RNF11: variants seen among roughly 807,000 people sequenced by gnomAD.
The protein encoded by RNF11 is ring finger protein 11.
Under a neutral mutation model 15.8 loss-of-function variants are expected in RNF11, and 4 were observed. That is an observed-to-expected ratio of 0.25 (90% CI 0.12 to 0.58). The LOEUF is 0.58. Among genes scored for constraint, RNF11 ranks in the 20% least tolerant of loss-of-function variants. The pLI is 0.91. For synonymous variants in RNF11, 68 were observed against 72.3 expected, an observed-to-expected ratio of 0.94 and a Z score of 0.30; for missense variants, 139 against 194.4, an observed-to-expected ratio of 0.71 and a Z score of 1.70.
In RNF11 at chr1:51,272,637, ATGT is replaced by A. The variant is rs1404203819; in HGVS notation, c.*1317_*1319del. The A allele has an allele frequency of 6.6e-6, 1 of 152,276 alleles. No homozygotes were observed. Among genetic ancestry groups the A allele is most frequent in the East Asian group, 1.9e-4 (1 of 5,200 alleles). 9.4% of individuals were successfully genotyped at this position (152,276 alleles called of 1,614,324 possible). A position where few individuals can be genotyped will look rare whatever the true frequency, so the allele number is the denominator to read the frequency against. Reference sequence around the variant, plus strand: ...ATGGTCTAGTAAAGATGTAGTAGTAATGTTTTATCCATTTAGCATGTGTTTATT... The same window carrying A: ...ATGGTCTAGTAAAGATGTAGTAGTAATTTATCCATTTAGCATGTGTTTATT... On this transcript the variant is annotated 3_prime_UTR_variant, in exon 3 of 3. Transcript: ENST00000242719.
chr1:51,242,145 A>C (rs991346254), intron 1 of RNF11, among the ~76,000 whole-genome samples: 1 of 152,198 alleles, frequency 6.6e-6, no homozygotes, highest in South Asian at 2.1e-4. Flanking sequence ...GAATGCAAGT[A>C]TAGCTCTGCT....
rs551453845 is a variant in RNF11 at position 51,253,241 on chromosome 1, A to T, written c.123+16362A>T. 8.3e-4 allele frequency among the ~76,000 whole-genome samples: 126 copies of T among 152,288 alleles called. 1 individual carries two copies. The highest frequency in any genetic ancestry group is 4.4e-3 in the South Asian group (21 of 4,826). Reference sequence around the variant, plus strand: ...GTTCTCTGCATAATATTTAGAAAATAAGGCCGGGCACAGGGGTTCAAGCCT... The same window carrying T: ...GTTCTCTGCATAATATTTAGAAAATTAGGCCGGGCACAGGGGTTCAAGCCT... On this transcript the variant is annotated intron_variant, in intron 1 of 2. Coordinates refer to ENST00000242719, the MANE Select transcript of RNF11 (RefSeq NM_014372.5).
At chr1:51,256,301 A>G (rs1646904044) in intron 1 of RNF11, among the ~76,000 whole-genome samples, 1 of 152,172 alleles carries the variant, frequency 6.6e-6, no homozygotes, top group East Asian at 1.9e-4. Context: ...AATGTTGCAT[A>G]TTTGGAATCA....
At chr1:51,263,534 A>C (rs1213176681) in intron 1 of RNF11, among the ~76,000 whole-genome samples, 7 of 152,192 alleles carry the variant, frequency 4.6e-5, no homozygotes, top group Non-Finnish European at 7.3e-5. Flanking sequence ...TTTTCCCAGC[A>C]GCTCATTTCA....
chr1:51,248,887 A>G (rs1646864774), intron 1 of RNF11, among the ~76,000 whole-genome samples: 1 of 152,216 alleles, frequency 6.6e-6, no homozygotes, highest in Admixed American at 6.5e-5. Flanking sequence ...AATCACAGAA[A>G]ATATTTGGGA....
chr1:51,262,204 G>A (rs189025277), intron 1 of RNF11, among the ~76,000 whole-genome samples: 10 of 152,184 alleles, frequency 6.6e-5, no homozygotes, highest in African/African-American at 2.4e-4. Flanking sequence ...CTGGGATTGC[G>A]GGTGTGAGCC....
rs374208314 is a variant in RNF11, at chr1:51,253,412, A to C, written c.123+16533A>C. 1.5e-4 allele frequency among the ~76,000 whole-genome samples: 23 copies of C among 151,814 alleles called. No individual in the cohort carries two copies. In the East Asian group the frequency reaches 3.7e-3, roughly 24 times the overall value. ...GTGGCATGCACCTGTAGTCCCAGCT[A>C]CTTGGAAGATTGAGGCAGGAGGATC... On this transcript the variant is annotated intron_variant, in intron 1 of 2. Coordinates refer to ENST00000242719, the MANE Select transcript of RNF11 (RefSeq NM_014372.5).
chr1:51,241,179 C>A (rs1282403322), intron 1 of RNF11, among the ~76,000 whole-genome samples: 3 of 151,812 alleles, frequency 2.0e-5, no homozygotes, highest in African/African-American at 4.8e-5. Context: ...TCTCAAACTC[C>A]TGGGCTCAAG....
chr1:51,267,083 C>CA (rs371352438), intron 1 of RNF11, among the ~76,000 whole-genome samples: 3 of 152,008 alleles, frequency 2.0e-5, no homozygotes, highest in African/African-American at 4.8e-5. Context: ...TCTACCAAAA[C>CA]AAAAAAATTG....
intron 1 of RNF11, among the ~76,000 whole-genome samples, chr1:51,249,684 A>G (rs991632193): frequency 3.9e-5 from 6 of 152,182 alleles, no homozygotes; most frequent in African/African-American, 7.2e-5. Context: ...AATTGTGTAA[A>G]TATACCACAT....
intron 1 of RNF11, among the ~76,000 whole-genome samples, chr1:51,240,546 G>A (rs188575999): frequency 4.0e-5 from 6 of 151,786 alleles, no homozygotes; most frequent in African/African-American, 1.2e-4. Context: ...GAGGAAAGGG[G>A]ATTTTTTTTT....
chr1:51,248,096 C>CTTTTTT (rs1157196813), intron 1 of RNF11, among the ~76,000 whole-genome samples: 24 of 91,646 alleles, frequency 2.6e-4, no homozygotes, highest in Non-Finnish European at 4.0e-4. Flanking sequence ...CTAGTTTCTT[C>CTTTTTT]TTTTTTTTTT....
intron 1 of RNF11, among the ~76,000 whole-genome samples, chr1:51,258,203 A>G (rs1646914237): frequency 6.6e-6 from 1 of 152,144 alleles, no homozygotes; most frequent in Non-Finnish European, 1.5e-5. Flanking sequence ...CACGCAATTT[A>G]CAACATTAGT....
In RNF11 at chr1:51,272,581, T is replaced by A. The variant is rs993132065; in HGVS notation, c.*1259T>A. ...GCAGTTAATGTAAGAATACTTTAAA[T>A]CTCTAAGCTTCTGAAGTGTTAGAGG... On this transcript the variant is annotated 3_prime_UTR_variant, in exon 3 of 3. Coordinates refer to ENST00000242719, the MANE Select transcript of RNF11 (RefSeq NM_014372.5). The A allele has an allele frequency of 6.6e-6, 1 of 152,606 alleles. No homozygotes were observed. The highest frequency in any genetic ancestry group is 2.4e-5 in the African/African-American group (1 of 41,466). The allele number at this position is 152,606 out of a possible 1,614,324, so 9.5% of individuals were successfully genotyped here.
chr1:51,256,875 T>C (rs571936707), intron 1 of RNF11, among the ~76,000 whole-genome samples: 6 of 152,282 alleles, frequency 3.9e-5, no homozygotes, highest in African/African-American at 2.4e-5. Flanking sequence ...GGTTTCACCA[T>C]GTTGGCCAGG....
At chr1:51,265,278 C>T (rs1053586678) in intron 1 of RNF11, 3 of 150,438 alleles carry the variant, frequency 2.0e-5, no homozygotes, top group Admixed American at 1.3e-4. Flanking sequence ...GAGCCAAGAT[C>T]GCGCCACTGC....
chr1:51,271,056 C>T, intron 2 of RNF11, 95 bp from the exon 3 acceptor site: 1 of 1,016,938 alleles, frequency 9.8e-7, no homozygotes, highest in Middle Eastern at 2.1e-4. Context: ...TGATGTGTTA[C>T]TCAGATTAAC....
intron 1 of RNF11, among the ~76,000 whole-genome samples, chr1:51,237,154 G>T (rs1646807847): frequency 6.6e-6 from 1 of 152,052 alleles, no homozygotes; most frequent in Non-Finnish European, 1.5e-5. Flanking sequence ...CTGGTGGTTC[G>T]CTTGTGGAGT....
intron 1 of RNF11, among the ~76,000 whole-genome samples, chr1:51,244,274 A>G (rs1379154496): frequency 1.3e-5 from 2 of 152,248 alleles, no homozygotes; most frequent in African/African-American, 2.4e-5. Context: ...AGTGTCTATT[A>G]AGCATTCCCA....
Sources: gnomAD v4.1 joint callset for allele counts (sites outside exome capture counted in the v4.1 genomes callset) on GRCh38, gnomAD v4.1.1 for gene constraint, MANE v1.5 for transcripts, NCBI Gene and HGNC (gene_info 2026-07-23, HGNC 2026-07-21) for gene names.